The following PCED1B variants were observed in gnomAD, a reference collection of about 807,000 sequenced individuals.
The protein encoded by PCED1B is PC-esterase domain-containing protein 1B.
For synonymous variants in PCED1B, 251 were observed against 246.1 expected, an observed-to-expected ratio of 1.02 and a Z score of -0.19; for missense variants, 573 against 573.9, an observed-to-expected ratio of 1.00 and a Z score of 0.02.
At chr12:47,116,981 T>C (rs548628830) in intron 2 of PCED1B, among the ~76,000 whole-genome samples, 1 of 152,114 alleles carries the variant, frequency 6.6e-6, no homozygotes, top group Admixed American at 6.6e-5. Context: ...GAAAGAAACA[T>C]TGATAAATTA....
intron 2 of PCED1B, among the ~76,000 whole-genome samples, chr12:47,117,557 A>G (rs1041746040): frequency 1.3e-5 from 2 of 152,186 alleles, no homozygotes; most frequent in East Asian, 1.9e-4. Flanking sequence ...ATAGTATTCC[A>G]TGGTGTATAT....
chr12:47,197,964 T>C (rs1942655982), intron 2 of PCED1B, among the ~76,000 whole-genome samples: 2 of 152,132 alleles, frequency 1.3e-5, no homozygotes, highest in South Asian at 4.1e-4. Flanking sequence ...CTACTGAACA[T>C]TTAAGGAAGA....
At position 47,101,807 on chromosome 12, in the gene PCED1B, G is replaced by A. The variant is rs191055795; in HGVS notation, c.-608-2306G>A. Among the ~76,000 whole-genome samples the A allele has an allele frequency of 5.1e-3, 770 of 152,122 alleles. 3 individuals carry two copies. Among genetic ancestry groups the A allele is most frequent in the Non-Finnish European group, 6.9e-3 (470 of 67,990 alleles). On this transcript the variant is annotated intron_variant, in intron 1 of 3. Transcript: ENST00000546455. Reference sequence around the variant, plus strand: ...ACTAAAAATACAAAATTAGCTGGGCGTGGTGGTGCATGCCTGTAATCCCAG... The same window carrying A: ...ACTAAAAATACAAAATTAGCTGGGCATGGTGGTGCATGCCTGTAATCCCAG...
At chr12:47,217,758 C>G (rs860585) in intron 3 of PCED1B, among the ~76,000 whole-genome samples, 54,953 of 151,492 alleles carry the variant, frequency 0.36, 12,494 homozygotes, top group African/African-American at 0.65. Context: ...TATATTTTTA[C>G]TAGAGACAGG....
At chr12:47,181,167 T>C (rs983248378) in intron 2 of PCED1B, among the ~76,000 whole-genome samples, 3 of 152,022 alleles carry the variant, frequency 2.0e-5, no homozygotes, top group African/African-American at 7.3e-5. Flanking sequence ...GTATTTTTTG[T>C]AGAGATGGGG....
chr12:47,220,068 C>CAAAAAAAAAA (rs763940625), intron 3 of PCED1B, among the ~76,000 whole-genome samples: 1 of 103,738 alleles, frequency 9.6e-6, no homozygotes, highest in African/African-American at 3.2e-5. Context: ...GACACTGCCT[C>CAAAAAAAAAA]AAAAAAAAAA....
chr12:47,191,214 C>A (rs1942430040), intron 2 of PCED1B, among the ~76,000 whole-genome samples: 1 of 152,132 alleles, frequency 6.6e-6, no homozygotes, highest in Non-Finnish European at 1.5e-5. Flanking sequence ...TATGAGTATG[C>A]CCATTTACAA....
At chr12:47,098,759 G>A (rs1938583034) in intron 1 of PCED1B, among the ~76,000 whole-genome samples, 1 of 152,214 alleles carries the variant, frequency 6.6e-6, no homozygotes, top group Non-Finnish European at 1.5e-5. Flanking sequence ...TGGGATTACA[G>A]GCGTGAGCCA....
At chr12:47,114,913 G>C (rs1475167776) in intron 2 of PCED1B, among the ~76,000 whole-genome samples, 1 of 152,178 alleles carries the variant, frequency 6.6e-6, no homozygotes, top group African/African-American at 2.4e-5. Context: ...ATACAGGTGG[G>C]AAGTAGATTT....
chr12:47,171,626 T>C (rs1404839429), intron 2 of PCED1B, among the ~76,000 whole-genome samples: 2 of 152,216 alleles, frequency 1.3e-5, no homozygotes, highest in African/African-American at 4.8e-5. Context: ...ATATTTTCTA[T>C]GAATTCTTGC....
intron 1 of PCED1B, among the ~76,000 whole-genome samples, chr12:47,080,146 G>T (rs985624654): frequency 2.0e-5 from 3 of 152,072 alleles, no homozygotes; most frequent in Admixed American, 2.0e-4. Context: ...GGGGGCAGGG[G>T]TCCACACCAG....
At chr12:47,159,224 A>G (rs1040108063) in intron 2 of PCED1B, among the ~76,000 whole-genome samples, 2 of 152,136 alleles carry the variant, frequency 1.3e-5, no homozygotes, top group African/African-American at 2.4e-5. Context: ...GTATCCGTTT[A>G]ATATACTGAT....
intron 1 of PCED1B, among the ~76,000 whole-genome samples, chr12:47,100,242 AAAAG>A (rs1938644548): frequency 6.6e-6 from 1 of 152,228 alleles, no homozygotes; most frequent in South Asian, 2.1e-4. Context: ...ATATGGAAAG[AAAAG>A]AAAATGATGT....
Position 47,219,833 on chromosome 12 carries a change from G to A in PCED1B, c.-58+3144G>A, listed in dbSNP as rs74425410. 2.6e-3 allele frequency among the ~76,000 whole-genome samples: 390 copies of A among 152,124 alleles called. 2 individuals are homozygous for A. The highest frequency in any genetic ancestry group is 6.8e-3 in the Middle Eastern group (2 of 294). On this transcript the variant is annotated intron_variant, in intron 3 of 3. Coordinates refer to ENST00000546455, the MANE Select transcript of PCED1B (RefSeq NM_138371.3). ...AATTTAAACAAGTATTTATAGCTGA[G>A]ATTAAAAGCTCAGGCTTTGGAGCCA...
chr12:47,167,120 T>C (rs1235639941), intron 2 of PCED1B, among the ~76,000 whole-genome samples: 1 of 152,184 alleles, frequency 6.6e-6, no homozygotes, highest in Non-Finnish European at 1.5e-5. Context: ...CTCTTCTCCA[T>C]AAGGGAAAAG....
chr12:47,092,309 T>C (rs983924577), intron 1 of PCED1B, among the ~76,000 whole-genome samples: 1 of 152,074 alleles, frequency 6.6e-6, no homozygotes, highest in Non-Finnish European at 1.5e-5. Context: ...GTAAATATGT[T>C]TTATTTTCTA....
At chr12:47,134,110 T>A (rs1371794956) in intron 2 of PCED1B, among the ~76,000 whole-genome samples, 1 of 152,220 alleles carries the variant, frequency 6.6e-6, no homozygotes, top group East Asian at 1.9e-4. Flanking sequence ...AGTCCCTGAC[T>A]GTATTATGAT....
intron 2 of PCED1B, among the ~76,000 whole-genome samples, chr12:47,171,804 CTTCT>C (rs1384901653): frequency 3.9e-5 from 6 of 151,952 alleles, no homozygotes; most frequent in Non-Finnish European, 7.4e-5. Flanking sequence ...TCTTCTTCTT[CTTCT>C]TTTTTTCTTC....
chr12:47,174,441 CA>C (rs1941859053), intron 2 of PCED1B, among the ~76,000 whole-genome samples: 1 of 145,096 alleles, frequency 6.9e-6, no homozygotes, highest in African/African-American at 2.7e-5. Context: ...AACAAACAAA[CA>C]AAATAAATAA....
Sources: allele counts gnomAD v4.1 joint callset (sites outside exome capture counted in the v4.1 genomes callset), GRCh38; gene constraint gnomAD v4.1.1; transcripts MANE v1.5; gene names NCBI Gene and HGNC (gene_info 2026-07-23, HGNC 2026-07-21).